SLC38A4: variants seen among roughly 807,000 people sequenced by gnomAD.
The protein encoded by SLC38A4 is sodium-coupled neutral amino acid transporter 4.
SLC38A4 carries 20 observed loss-of-function variants against 63.1 expected under a neutral mutation model. The observed-to-expected ratio is 0.32, with a 90% confidence interval of 0.22 to 0.46. SLC38A4 has a LOEUF of 0.46. Ranked by LOEUF, SLC38A4 falls within the 20% of genes least tolerant of loss-of-function variation. The pLI, the probability that SLC38A4 is intolerant of heterozygous loss-of-function variation, is 1.00. For synonymous variants in SLC38A4, 230 were observed against 225.5 expected (o/e 1.02, Z -0.18); for missense variants, 526 against 663.6 (o/e 0.79, Z 2.28).
Position 46,775,182 on chromosome 12 carries a change from G to A in SLC38A4, c.1175-9C>T. The A allele has an allele frequency of 1.2e-6, 2 of 1,608,968 alleles. No homozygotes were observed. Among genetic ancestry groups the A allele is most frequent in the Non-Finnish European group, 1.7e-6 (2 of 1,177,538 alleles). On this transcript the variant is annotated splice_polypyrimidine_tract_variant and intron_variant, in intron 13 of 16. Coordinates refer to ENST00000266579, the MANE Select transcript of SLC38A4 (RefSeq NM_018018.5). Reference sequence around the variant, plus strand: ...TTCATCTTCAACTTCTCCTACAACAGGAAAAAGAGAATGAAACCGCTTGGT... The same window carrying A: ...TTCATCTTCAACTTCTCCTACAACAAGAAAAAGAGAATGAAACCGCTTGGT...
chr12:46,792,605 C>T (rs1256803090), intron 3 of SLC38A4, among the ~76,000 whole-genome samples: 2 of 151,898 alleles, frequency 1.3e-5, no homozygotes, highest in African/African-American at 4.8e-5. Flanking sequence ...GTGAGCTTGC[C>T]CAGAGGATAC....
intron 14 of SLC38A4, 84 bp from the exon 15 acceptor site, chr12:46,769,512 C>A: frequency 2.1e-6 from 3 of 1,397,326 alleles, no homozygotes; most frequent in Non-Finnish European, 2.9e-6. Flanking sequence ...CACTCTAATG[C>A]ATTTTCTTTC....
rs999628740 is a variant in SLC38A4, at chr12:46,803,731, G to A, written c.-241C>T. ...GATTTAAAGACCAGTGGGAGTGAAC[G>A]AGACAAGCCAATCAACACCACCACC... On this transcript the variant is annotated 5_prime_UTR_variant, in exon 2 of 17. Coordinates refer to ENST00000266579, the MANE Select transcript of SLC38A4 (RefSeq NM_018018.5). 4 of 150,726 alleles carry A rather than the reference G, an allele frequency of 2.7e-5. No individual in the cohort carries two copies. Among genetic ancestry groups the A allele is most frequent in the East Asian group, 3.9e-4 (2 of 5,096 alleles). 9.3% of individuals were successfully genotyped at this position (150,726 alleles called of 1,614,324 possible).
intron 15 of SLC38A4, 24 bp from the exon 16 acceptor site, chr12:46,768,431 G>A (rs1393432856): frequency 6.4e-7 from 1 of 1,564,076 alleles, no homozygotes; most frequent in Non-Finnish European, 8.8e-7. Context: ...CACAGGGCAA[G>A]GTCAATGTCT....
In SLC38A4 at chr12:46,766,806, T is replaced by G. The variant is rs767532401; in HGVS notation, c.1543-4A>C. ...CAACCACAAGGAAAATTAAAGCCTG[T>G]AATTCAGAGAGACTCTGTTAGGAGC... On this transcript the variant is annotated splice_polypyrimidine_tract_variant and splice_region_variant and intron_variant, in intron 16 of 16. Coordinates refer to ENST00000266579, the MANE Select transcript of SLC38A4 (RefSeq NM_018018.5). 1 of 1,597,786 alleles carries G rather than the reference T, an allele frequency of 6.3e-7. No homozygotes were observed.
intron 2 of SLC38A4, among the ~76,000 whole-genome samples, chr12:46,795,127 C>A (rs1938976150): frequency 6.6e-6 from 1 of 151,958 alleles, no homozygotes; most frequent in Non-Finnish European, 1.5e-5. Context: ...CATTCTAGAT[C>A]TGAATAATTC....
rs564720304 is a variant in SLC38A4, at chr12:46,794,553, AAAG to A, written c.-112-1373_-112-1371del. On this transcript the variant is annotated intron_variant, in intron 2 of 16. Coordinates refer to ENST00000266579, the MANE Select transcript of SLC38A4 (RefSeq NM_018018.5). ...AGTCAAAAAAAGGAATTCTTAAAAA[AAAG>A]AAAAAAATAGAATCATTGAAATTTA... is the stretch of plus-strand genomic sequence containing the variant. 2.3e-3 allele frequency among the ~76,000 whole-genome samples: 343 copies of A among 151,768 alleles called. 1 individual carries two copies. The highest frequency in any genetic ancestry group is 7.8e-3 in the African/African-American group (322 of 41,274).
intron 1 of SLC38A4, among the ~76,000 whole-genome samples, chr12:46,813,765 C>T (rs1420295281): frequency 6.6e-6 from 1 of 151,944 alleles, no homozygotes; most frequent in African/African-American, 2.4e-5. Context: ...AGTTATTTGC[C>T]ATTTCTGTGC....
At chr12:46,780,542 G>A (rs1053910873) in intron 7 of SLC38A4, among the ~76,000 whole-genome samples, 1 of 151,850 alleles carries the variant, frequency 6.6e-6, no homozygotes, top group African/African-American at 2.4e-5. Context: ...AGAACCAAAG[G>A]CTTCCTGGAT....
At chr12:46,768,239 T>G in intron 16 of SLC38A4, 71 bp downstream of exon 16, 1 of 1,114,596 alleles carries the variant, frequency 9.0e-7, no homozygotes, top group East Asian at 2.5e-5. Flanking sequence ...CTGAACTATG[T>G]GTATTTTCTA....
At chr12:46,779,495 T>C in intron 10 of SLC38A4, 116 bp downstream of exon 10, 1 of 798,580 alleles carries the variant, frequency 1.3e-6, no homozygotes, top group Admixed American at 2.6e-5. Context: ...AAATCACTTG[T>C]GATACAAGAA....
chr12:46,800,272 C>T (rs1196726196), intron 2 of SLC38A4, among the ~76,000 whole-genome samples: 1 of 152,032 alleles, frequency 6.6e-6, no homozygotes, highest in Non-Finnish European at 1.5e-5. Context: ...TATGTTATTC[C>T]AAACGACTGC....
At chr12:46,783,147 G>T (rs1938680798) in intron 7 of SLC38A4, among the ~76,000 whole-genome samples, 1 of 149,462 alleles carries the variant, frequency 6.7e-6, no homozygotes, top group African/African-American at 2.5e-5. Flanking sequence ...TATTAAAATA[G>T]TACTGTTAGG....
intron 2 of SLC38A4, among the ~76,000 whole-genome samples, chr12:46,803,281 T>C (rs1939167891): frequency 6.6e-6 from 1 of 152,060 alleles, no homozygotes; most frequent in South Asian, 2.1e-4. Flanking sequence ...TTCATTATAG[T>C]CCATGATCAA....
intron 1 of SLC38A4, among the ~76,000 whole-genome samples, chr12:46,808,976 T>C (rs865823657): frequency 6.6e-6 from 1 of 152,012 alleles, no homozygotes. Context: ...ATTGATAGTT[T>C]AAAAAATTAC....
intron 14 of SLC38A4, among the ~76,000 whole-genome samples, chr12:46,773,945 G>C (rs778553666): frequency 6.6e-6 from 1 of 152,024 alleles, no homozygotes; most frequent in Non-Finnish European, 1.5e-5. Flanking sequence ...CCTTTTCTCA[G>C]TGAAGTTGTT....
chr12:46,828,995 T>C (rs1183200029), upstream of SLC38A4, among the ~76,000 whole-genome samples: 13 of 152,240 alleles, frequency 8.5e-5, no homozygotes, highest in Non-Finnish European at 1.5e-5. Flanking sequence ...TCTGGTTGTC[T>C]TTATTTTACT....
At chr12:46,829,721 G>A (rs916114030), upstream of SLC38A4, among the ~76,000 whole-genome samples, 21 of 152,186 alleles carry the variant, frequency 1.4e-4, no homozygotes, top group Admixed American at 7.2e-4. Context: ...GCTTGGAATA[G>A]GATTAGTCTG....
At chr12:46,784,984 G>C (rs1048420993) in intron 6 of SLC38A4, 120 bp downstream of exon 6, 1 of 905,838 alleles carries the variant, frequency 1.1e-6, no homozygotes, top group African/African-American at 1.7e-5. Flanking sequence ...GTGTCACTGG[G>C]CTCAGAAGAA....
Sources: gnomAD v4.1 joint callset for allele counts (sites outside exome capture counted in the v4.1 genomes callset) on GRCh38, gnomAD v4.1.1 for gene constraint, MANE v1.5 for transcripts, NCBI Gene and HGNC (gene_info 2026-07-23, HGNC 2026-07-21) for gene names.